Variants in WDR83 observed in about 807,000 individuals in gnomAD.
WDR83 encodes WD repeat domain 83.
WDR83 carries 37 observed loss-of-function variants against 37.7 expected under a neutral mutation model. That is an observed-to-expected ratio of 0.98 (90% CI 0.76 to 1.29). The LOEUF (loss-of-function observed/expected upper bound fraction) is 1.29. Ranked by LOEUF, WDR83 falls within the 50% of genes most tolerant of loss-of-function variation. The pLI is 0.00. For missense variants in WDR83, 445 were observed against 414.4 expected (o/e 1.07, Z -0.64); for synonymous variants, 174 against 181.1 (o/e 0.96, Z 0.31).
chr19:12,669,388 T>C lies in WDR83; in HGVS notation c.-36-367T>C, dbSNP rs771802100. Reference sequence around the variant, plus strand: ...TTGTTCGGCCTCCGTGGGTCCGACATATTGTTAGTGGACATAGCGAGTCGA... The same window carrying C: ...TTGTTCGGCCTCCGTGGGTCCGACACATTGTTAGTGGACATAGCGAGTCGA... On this transcript the variant is annotated intron_variant, in intron 2 of 10. Coordinates refer to ENST00000418543, the MANE Select transcript of WDR83 (RefSeq NM_001099737.3). The C allele has an allele frequency of 4.4e-6, 7 of 1,600,544 alleles. No individual in the cohort carries two copies. Among genetic ancestry groups the C allele is most frequent in the Admixed American group, 3.5e-5 (2 of 57,958 alleles).
rs2024388338 is a variant in WDR83 at position 12,670,682 on chromosome 19, G to A, written c.380-13G>A. On this transcript the variant is annotated splice_polypyrimidine_tract_variant and intron_variant, in intron 6 of 10. Transcript: ENST00000418543. ...CCTCCAAACCTGACCTCACCATCATGCTGGCCTCACAGGCTCTATTGATTC... is the reference window on the plus strand; with the variant it reads ...CCTCCAAACCTGACCTCACCATCATACTGGCCTCACAGGCTCTATTGATTC... 1 of 1,614,216 alleles carries A rather than the reference G, an allele frequency of 6.2e-7. No individual in the cohort carries two copies. Among genetic ancestry groups the A allele is most frequent in the East Asian group, 2.2e-5 (1 of 44,882 alleles).
Position 12,670,821 on chromosome 19 carries a change from G to C in WDR83, c.506G>C (p.Gly169Ala). The change falls in exon 7 of 11, where the codon GGC becomes GCC. Residue 169 changes from glycine to alanine, a missense_variant and splice_region_variant. Transcript: ENST00000418543. ...VKVSDHEILA[G>A]SVDGRVRRYD... ...GTGTCAGACCACGAGATCCTGGCAGGGTGAGTGGAGCCAGGACCTGGTCTC... is the reference window on the plus strand; with the variant it reads ...GTGTCAGACCACGAGATCCTGGCAGCGTGAGTGGAGCCAGGACCTGGTCTC... 2 of 1,612,130 alleles carry C rather than the reference G, an allele frequency of 1.2e-6. No homozygotes were observed. Among genetic ancestry groups the C allele is most frequent in the Non-Finnish European group, 8.5e-7 (1 of 1,179,276 alleles).
rs1385565409 is a variant in WDR83 at position 12,670,610 on chromosome 19, C to T, written c.378C>T (p.Ser126=). The part of the protein sequence containing the change: ...QFNEEATVIL[S]GSIDSSIRCW... ...ATGAAGAGGCCACAGTTATCCTGTCCGGTGAGTCTGGGGCCTAAGCACGGG... is the reference window on the plus strand; with the variant it reads ...ATGAAGAGGCCACAGTTATCCTGTCTGGTGAGTCTGGGGCCTAAGCACGGG... Residue 126 remains serine (S), a splice_region_variant and synonymous_variant, in exon 6 of 11, where the codon TCC becomes TCT. Coordinates refer to ENST00000418543, the MANE Select transcript of WDR83 (RefSeq NM_001099737.3). 1.9e-6 allele frequency: 3 copies of T among 1,614,204 alleles called. No homozygotes were observed. Among genetic ancestry groups the T allele is most frequent in the South Asian group, 1.1e-5 (1 of 91,080 alleles).
Position 12,675,751 on chromosome 19 carries a change from C to G in WDR83, c.*79C>G. 6.4e-7 allele frequency: 1 copy of G among 1,566,960 alleles called. No individual in the cohort carries two copies. Among genetic ancestry groups the G allele is most frequent in the South Asian group, 1.1e-5 (1 of 87,036 alleles). On this transcript the variant is annotated 3_prime_UTR_variant, in exon 11 of 11. Coordinates refer to ENST00000418543, the MANE Select transcript of WDR83 (RefSeq NM_001099737.3). ...TTCAGATACCATCTTATTCTAGAGA[C>G]GTAGCTGACCAAAAAGTAGGGGAGG...
At chr19:12,669,675 A>G (rs897411197) in intron 2 of WDR83, 80 bp from the exon 3 acceptor site, 3 of 1,170,266 alleles carry the variant, frequency 2.6e-6, no homozygotes, top group Non-Finnish European at 3.6e-6. Flanking sequence ...CGGAAGTGAT[A>G]AACAGGAAGT....
At position 12,666,870 on chromosome 19, in the gene WDR83, AG is replaced by A. The variant is rs1284868724; in HGVS notation, c.-277del. On this transcript the variant is annotated 5_prime_UTR_variant, in exon 1 of 11. Transcript: ENST00000418543. ...GGCAATCCCGGGGGTCGTTACAGGA[AG>A]GTAGGAAAATGCCACCCTCAGGGCA... The A allele has an allele frequency of 3.1e-6, 2 of 655,178 alleles. No homozygotes were observed. Among genetic ancestry groups the A allele is most frequent in the African/African-American group, 3.7e-5 (2 of 53,916 alleles). The allele number at this position is 655,178 out of a possible 1,614,324, so 40.6% of individuals were successfully genotyped here. A position where few individuals can be genotyped will look rare whatever the true frequency, so the allele number is the denominator to read the frequency against.
intron 7 of WDR83, chr19:12,672,288 A>T: frequency 5.7e-6 from 1 of 174,884 alleles, no homozygotes; most frequent in South Asian, 1.2e-4. Flanking sequence ...CTGAGTACTG[A>T]GGAGGAGGAG....
rs187220880 is a variant in WDR83, at chr19:12,674,886, G to C, written c.799-637G>C. Among the ~76,000 whole-genome samples, 343 of 149,340 alleles carry C rather than the reference G, an allele frequency of 2.3e-3. 1 individual carries two copies. In the South Asian group the frequency reaches 0.025, roughly 11 times the overall value. Reference sequence around the variant, plus strand: ...ATCCCAGCACTTTGGGAGGCCGAGGGGGGTGGATCACGAGGTCAGGAGATA... The same window carrying C: ...ATCCCAGCACTTTGGGAGGCCGAGGCGGGTGGATCACGAGGTCAGGAGATA... On this transcript the variant is annotated intron_variant, in intron 10 of 10. Transcript: ENST00000418543.
chr19:12,670,626 T>TTA lies in WDR83; in HGVS notation c.379+15_379+16insTA, dbSNP rs2024384847. 6.2e-7 allele frequency: 1 copy of TTA among 1,614,098 alleles called. No homozygotes were observed. Among genetic ancestry groups the TTA allele is most frequent in the Non-Finnish European group, 8.5e-7 (1 of 1,180,044 alleles). On this transcript the variant is annotated intron_variant, in intron 6 of 10. Transcript: ENST00000418543. The stretch of plus-strand genomic sequence containing the variant: ...TATCCTGTCCGGTGAGTCTGGGGCC[T>TTA]AAGCACGGGGGCCCAGGGTGCTGCC...
In WDR83 at chr19:12,672,848, T is replaced by C; in HGVS notation, c.508T>C (p.Ser170Pro). 6.3e-7 allele frequency: 1 copy of C among 1,580,796 alleles called. No homozygotes were observed. The highest frequency in any genetic ancestry group is 8.6e-7 in the Non-Finnish European group (1 of 1,163,322). ...KVSDHEILAG[S>P]VDGRVRRYDL... ...CGCTGGATCTACCCTCTCCTGCAGC[T>C]CCGTGGATGGCCGCGTGAGACGCTA... The change falls in exon 8 of 11, where the codon TCC becomes CCC. Residue 170 changes from serine (S) to proline (P), a missense_variant and splice_region_variant. Ser to Pro is a moderately conservative substitution (Grantham distance 74). Transcript: ENST00000418543.
At chr19:12,675,029 G>C (rs1034268733) in intron 10 of WDR83, among the ~76,000 whole-genome samples, 4 of 151,940 alleles carry the variant, frequency 2.6e-5, no homozygotes, top group Non-Finnish European at 5.9e-5. Context: ...CAGGAGAATC[G>C]CTTGAACTAG....
Position 12,670,261 on chromosome 19 carries a change from G to A in WDR83, c.306G>A (p.Val102=), listed in dbSNP as rs1033022290. The change falls in exon 5 of 11, where the codon GTG becomes GTA. Residue 102 remains valine, a synonymous_variant. Transcript: ENST00000418543. The part of the protein sequence containing the change: ...VLWDVASGQV[V]RKFRGHAGKV... The stretch of plus-strand genomic sequence containing the variant: ...GGGATGTGGCATCAGGGCAGGTCGT[G>A]CGCAAATTCCGGGGCCACGCAGGGG... The A allele has an allele frequency of 3.1e-6, 5 of 1,614,118 alleles. No homozygotes were observed. Among genetic ancestry groups the A allele is most frequent in the Non-Finnish European group, 4.2e-6 (5 of 1,180,012 alleles).
intron 7 of WDR83, among the ~76,000 whole-genome samples, chr19:12,671,761 G>C (rs376034290): frequency 6.6e-6 from 1 of 152,184 alleles, no homozygotes; most frequent in African/African-American, 2.4e-5. Context: ...GCAGTGACGT[G>C]ATCTCGGCTC....
chr19:12,670,214 G>A lies in WDR83; in HGVS notation c.259G>A (p.Gly87Arg), dbSNP rs751570018. Residue 87 changes from glycine (G) to arginine (R), a missense_variant, in exon 5 of 11, where the codon GGG becomes AGG. Transcript: ENST00000418543. ...CAACAGTAGTCTCTGCTCCGGCGGC[G>A]GGGACAAGGCGGTGGTTCTGTGGGA... ...FDNSSLCSGG[G>R]DKAVVLWDVA... 211 of 1,613,970 alleles carry A rather than the reference G, an allele frequency of 1.3e-4. No individual in the cohort carries two copies. Among genetic ancestry groups the A allele is most frequent in the Non-Finnish European group, 1.7e-4 (200 of 1,179,988 alleles).
At chr19:12,675,391 G>C (rs906970481) in intron 10 of WDR83, 132 bp from the exon 11 acceptor site, 21 of 1,290,746 alleles carry the variant, frequency 1.6e-5, no homozygotes, top group Non-Finnish European at 1.8e-5. Flanking sequence ...GGCAATTAGA[G>C]GCAGGTGGCT....
At chr19:12,668,693 C>A in intron 2 of WDR83, 66 bp downstream of exon 2, 2 of 1,218,302 alleles carry the variant, frequency 1.6e-6, no homozygotes, top group East Asian at 2.4e-5. Flanking sequence ...TTCCAGACAC[C>A]AGATCATGCC....
At chr19:12,674,574 C>T (rs901435502) in intron 10 of WDR83, among the ~76,000 whole-genome samples, 3 of 152,180 alleles carry the variant, frequency 2.0e-5, no homozygotes, top group Non-Finnish European at 4.4e-5. Context: ...CATCAAGGGA[C>T]ATTTTCAAGG....
intron 10 of WDR83, 123 bp from the exon 11 acceptor site, chr19:12,675,400 C>T (rs550528491): frequency 1.4e-6 from 2 of 1,385,540 alleles, no homozygotes; most frequent in Non-Finnish European, 9.6e-7. Context: ...AGGCAGGTGG[C>T]TGAAGGTCGG....
Position 12,672,892 on chromosome 19 carries a change from G to A in WDR83, c.552G>A (p.Gln184=). ...GACGCTATGACCTAAGGATGGGGCA[G>A]CTCTTCTCAGACTACGTGGGCAGTG... ...RVRRYDLRMG[Q]LFSDYVGSPI... Residue 184 remains glutamine, a synonymous_variant, in exon 8 of 11, where the codon CAG becomes CAA. Transcript: ENST00000418543. 1.3e-6 allele frequency: 2 copies of A among 1,597,634 alleles called. No homozygotes were observed. The highest frequency in any genetic ancestry group is 1.7e-6 in the Non-Finnish European group (2 of 1,172,016).
Sources: allele counts gnomAD v4.1 joint callset (sites outside exome capture counted in the v4.1 genomes callset), GRCh38; gene constraint gnomAD v4.1.1; transcripts MANE v1.5; gene names NCBI Gene and HGNC (gene_info 2026-07-23, HGNC 2026-07-21).